AXL: variants seen among roughly 807,000 people sequenced by gnomAD.
AXL encodes AXL receptor tyrosine kinase.
A neutral mutation model predicts 104.5 loss-of-function variants in AXL; 52 were observed. The ratio of observed to expected loss-of-function variants is 0.50; its 90% CI spans 0.40 to 0.63. AXL has a LOEUF of 0.63. Ranked by LOEUF, AXL falls within the 20% of genes least tolerant of loss-of-function variation. AXL has a pLI of 0.00. For missense variants in AXL, 1,024 were observed against 1,188.5 expected (o/e 0.86, Z 2.04); for synonymous variants, 455 against 473.7 (o/e 0.96, Z 0.51).
chr19:41,234,893 G>A (rs374401800), intron 6 of AXL, among the ~76,000 whole-genome samples: 2 of 152,340 alleles, frequency 1.3e-5, no homozygotes, highest in East Asian at 3.9e-4. Flanking sequence ...GCTGTGAATT[G>A]TGTGGTTATG....
chr19:41,237,024 G>A (rs74710594), intron 6 of AXL, among the ~76,000 whole-genome samples: 15,861 of 151,726 alleles, frequency 0.1, 2,070 homozygotes, highest in African/African-American at 0.31. Flanking sequence ...TTCTTCCACT[G>A]TGGTCCAAGA....
chr19:41,230,485 T>G (rs112160225), intron 4 of AXL, among the ~76,000 whole-genome samples: 7,019 of 151,222 alleles, frequency 0.046, 553 homozygotes, highest in African/African-American at 0.16. Context: ...TGTGTTTTTG[T>G]GTGTGTATGC....
At chr19:41,231,534 G>A (rs1330855683) in intron 6 of AXL, among the ~76,000 whole-genome samples, 1 of 152,140 alleles carries the variant, frequency 6.6e-6, no homozygotes, top group Non-Finnish European at 1.5e-5. Context: ...CTACAAAATG[G>A]ACATAATGGT....
At chr19:41,237,837 C>A in intron 6 of AXL, 107 bp from the exon 7 acceptor site, 1 of 1,048,094 alleles carries the variant, frequency 9.5e-7, no homozygotes, top group East Asian at 2.5e-5. Context: ...CACACACGCA[C>A]CCTTGAAAAG....
At chr19:41,219,987 T>A (rs1328947664) in intron 1 of AXL, among the ~76,000 whole-genome samples, 1 of 151,934 alleles carries the variant, frequency 6.6e-6, no homozygotes, top group Non-Finnish European at 1.5e-5. Flanking sequence ...TCTCTGTCTC[T>A]GCCTCCAGCT....
chr19:41,224,683 C>A (rs942102101), intron 4 of AXL, among the ~76,000 whole-genome samples: 9 of 152,122 alleles, frequency 5.9e-5, no homozygotes, highest in Non-Finnish European at 1.2e-4. Flanking sequence ...CTGCTCTCAA[C>A]CCTCAGCCTC....
Position 41,219,835 on chromosome 19 carries a change from A to G in AXL, c.85+358A>G, listed in dbSNP as rs1599722649. 5.9e-5 allele frequency among the ~76,000 whole-genome samples: 9 copies of G among 151,678 alleles called. No individual in the cohort carries two copies. In the South Asian group the frequency reaches 1.9e-3, roughly 32 times the overall value. ...AAGGAAGAAATCTTTCCGAAGGGGC[A>G]CCGAGTCAGGCAGTGGGATGAGGAG... On this transcript the variant is annotated intron_variant, in intron 1 of 19. Transcript: ENST00000301178.
chr19:41,224,790 G>C (rs1479814822), intron 4 of AXL, among the ~76,000 whole-genome samples: 1 of 146,042 alleles, frequency 6.8e-6, no homozygotes, highest in Non-Finnish European at 1.5e-5. Flanking sequence ...TCACAGACCT[G>C]TGTGTGTGTG....
At chr19:41,222,678 G>T (rs912133311) in intron 4 of AXL, among the ~76,000 whole-genome samples, 1 of 146,886 alleles carries the variant, frequency 6.8e-6, no homozygotes, top group Non-Finnish European at 1.5e-5. Flanking sequence ...AGGCTGAGGC[G>T]GGCGGATCAC....
At chr19:41,248,305 A>G (rs1005651662) in intron 12 of AXL, among the ~76,000 whole-genome samples, 4 of 152,310 alleles carry the variant, frequency 2.6e-5, no homozygotes, top group African/African-American at 4.8e-5. Context: ...GCCAGGCTTT[A>G]CCCCTTGAGT....
chr19:41,253,350 TTGTC>T (rs1401747971), intron 16 of AXL, among the ~76,000 whole-genome samples: 1 of 151,962 alleles, frequency 6.6e-6, no homozygotes, highest in Non-Finnish European at 1.5e-5. Context: ...TGATCATCGT[TTGTC>T]TGAAGACCAG....
chr19:41,253,708 T>TGTGA lies in AXL; in HGVS notation c.2036+4_2036+7dup. On this transcript the variant is annotated stop_gained and frameshift_variant and splice_region_variant. Transcript: ENST00000301178. LOFTEE classifies it high-confidence loss of function. ...CGGGACCTGGCGGCCAGGAACTGCA[T>TGTGA]GTGAGTGCCTTTCAGGGACCCCCCC... The TGTGA allele has an allele frequency of 6.2e-7, 1 of 1,600,276 alleles. No individual in the cohort carries two copies. Among genetic ancestry groups the TGTGA allele is most frequent in the East Asian group, 2.3e-5 (1 of 44,418 alleles).
At position 41,252,345 on chromosome 19, in the gene AXL, C is replaced by T. The variant is rs752445403; in HGVS notation, c.1712-6C>T. 6.2e-7 allele frequency: 1 copy of T among 1,613,478 alleles called. No homozygotes were observed. The highest frequency in any genetic ancestry group is 8.5e-7 in the Non-Finnish European group (1 of 1,179,740). On this transcript the variant is annotated splice_region_variant and splice_polypyrimidine_tract_variant and intron_variant, in intron 14 of 19. Transcript: ENST00000301178. The stretch of plus-strand genomic sequence containing the variant: ...TCCTCCTCACGACCTTTCTCTCTCC[C>T]TCAAGTTGCCATCTGCACGAGGTCA...
At chr19:41,253,512 A>G in intron 16 of AXL, 87 bp from the exon 17 acceptor site, 2 of 1,002,040 alleles carry the variant, frequency 2.0e-6, no homozygotes, top group East Asian at 2.5e-5. Flanking sequence ...CTGCGGGCAG[A>G]GCTAGGCTTG....
Position 41,248,591 on chromosome 19 carries a change from G to A in AXL, c.1615G>A (p.Gly539Arg). 6.2e-7 allele frequency: 1 copy of A among 1,614,110 alleles called. No homozygotes were observed. The highest frequency in any genetic ancestry group is 8.5e-7 in the Non-Finnish European group (1 of 1,180,024). ...VMVDRHKVAL[G>R]KTLGEGEFGA... ...GGTGGACCGGCACAAGGTGGCCCTG[G>A]GGAAGACTCTGGGAGAGGGTGAGTC... is the stretch of plus-strand genomic sequence containing the variant. Residue 539 changes from glycine (G) to arginine (R), a missense_variant, in exon 13 of 20, where the codon GGG becomes AGG. Around this residue, in one of 5 missense-constraint regions of AXL, gnomAD observed 523 missense variants for 636.0 expected, o/e 0.82. Coordinates refer to ENST00000301178, the MANE Select transcript of AXL (RefSeq NM_021913.5).
rs1349708742 is a variant in AXL at position 41,248,784 on chromosome 19, G to C, written c.1675G>C (p.Asp559His). 1 of 1,613,680 alleles carries C rather than the reference G, an allele frequency of 6.2e-7. No homozygotes were observed. The highest frequency in any genetic ancestry group is 8.5e-7 in the Non-Finnish European group (1 of 1,179,870). ...AVMEGQLNQD[D>H]SILKVAVKTM... ...GATGGAAGGCCAGCTCAACCAGGAC[G>C]ACTCCATCCTCAAGGTGGCTGTGAA... The change falls in exon 14 of 20, where the codon GAC becomes CAC. Residue 559 changes from aspartate to histidine, a missense_variant. By Grantham distance (81) the Asp-to-His change is moderately conservative. This residue lies in a region of AXL where 523 missense variants were observed against 636.0 expected (regional missense o/e 0.82). Coordinates refer to ENST00000301178, the MANE Select transcript of AXL (RefSeq NM_021913.5).
chr19:41,257,454 G>C (rs749436901), intron 18 of AXL, 39 bp from the exon 19 acceptor site: 3 of 1,613,732 alleles, frequency 1.9e-6, no homozygotes, highest in Admixed American at 1.7e-5. Flanking sequence ...GGGTGATTCT[G>C]TGCAGGAGAG....
rs374878897 is a variant in AXL at position 41,252,337 on chromosome 19, C to T, written c.1712-14C>T. On this transcript the variant is annotated splice_polypyrimidine_tract_variant and intron_variant, in intron 14 of 19. Coordinates refer to ENST00000301178, the MANE Select transcript of AXL (RefSeq NM_021913.5). The stretch of plus-strand genomic sequence containing the variant: ...TCCTCCCCTCCTCCTCACGACCTTT[C>T]TCTCTCCCTCAAGTTGCCATCTGCA... The T allele has an allele frequency of 9.5e-5, 153 of 1,612,878 alleles. No individual in the cohort carries two copies. In the African/African-American group the frequency reaches 1.9e-3, roughly 20 times the overall value.
chr19:41,257,715 C>A (rs2034477563), intron 19 of AXL, 86 bp downstream of exon 19: 1 of 1,539,270 alleles, frequency 6.5e-7, no homozygotes, highest in African/African-American at 1.4e-5. Context: ...CCAGGACTCT[C>A]TATAACCCAG....
Sources: allele counts gnomAD v4.1 joint callset (sites outside exome capture counted in the v4.1 genomes callset), GRCh38; gene constraint gnomAD v4.1.1; regional missense constraint gnomAD v4.1.1; transcripts MANE v1.5; gene names NCBI Gene and HGNC (gene_info 2026-07-23, HGNC 2026-07-21).